TTLL13: variants seen among roughly 807,000 people sequenced by gnomAD.
The protein encoded by TTLL13 is tubulin polyglutamylase TTLL13.
the TTLL13 span, chr15:90,255,759 T>C: frequency 1.4e-4 from 232 of 1,614,058 alleles, 2 homozygotes; most frequent in East Asian, 2.5e-3. Flanking sequence ...TTTCAGAAAA[T>C]CAACCACTTC....
At chr15:90,253,267 T>C in the TTLL13 span, 3 of 1,613,886 alleles carry the variant, frequency 1.9e-6, no homozygotes, top group South Asian at 3.3e-5. Context: ...GCAGCCCAAA[T>C]GTGTGGCCTG....
the TTLL13 span, chr15:90,257,977 T>G: frequency 5.3e-6 from 8 of 1,516,814 alleles, no homozygotes; most frequent in East Asian, 1.8e-4. Context: ...GGGAGCCTCC[T>G]GCCTACAGCC....
chr15:90,255,199 A>C, the TTLL13 span, among the ~76,000 whole-genome samples: 1 of 152,132 alleles, frequency 6.6e-6, no homozygotes, highest in East Asian at 1.9e-4. Context: ...TGGTGGGTAC[A>C]TCCTATCTCA....
At chr15:90,261,647 G>A in the TTLL13 span, among the ~76,000 whole-genome samples, 1 of 152,074 alleles carries the variant, frequency 6.6e-6, no homozygotes, top group South Asian at 2.1e-4. Flanking sequence ...AGGCATGGTG[G>A]TGCATGCCTG....
the TTLL13 span, chr15:90,255,714 C>T: frequency 6.2e-7 from 1 of 1,613,694 alleles, no homozygotes; most frequent in South Asian, 1.1e-5. Context: ...CTAGGAAATG[C>T]CACTTACTCT....
At chr15:90,250,696 G>A in the TTLL13 span, 1 of 1,614,148 alleles carries the variant, frequency 6.2e-7, no homozygotes, top group Non-Finnish European at 8.5e-7. Flanking sequence ...AGGAATCTGA[G>A]AAGTGTGTTA....
chr15:90,258,526 ACTAT>A, the TTLL13 span: 18 of 614,414 alleles, frequency 2.9e-5, no homozygotes, highest in African/African-American at 2.2e-4. Context: ...TTAGGGACAC[ACTAT>A]CTAGAGAGGC....
At chr15:90,252,731 G>A in the TTLL13 span, among the ~76,000 whole-genome samples, 12 of 152,228 alleles carry the variant, frequency 7.9e-5, no homozygotes, top group African/African-American at 2.6e-4. Flanking sequence ...AGCTGGGCAC[G>A]GTGGCTCATG....
the TTLL13 span, chr15:90,253,130 C>T: frequency 1.6e-6 from 1 of 641,076 alleles, no homozygotes. Flanking sequence ...GAGGCAAGAA[C>T]TACCTCCCTC....
At chr15:90,262,222 C>A in the TTLL13 span, 1 of 1,494,330 alleles carries the variant, frequency 6.7e-7, no homozygotes, top group Non-Finnish European at 8.9e-7. Flanking sequence ...CTCTGCACAC[C>A]TAGGTGGGGA....
the TTLL13 span, chr15:90,262,457 T>C: frequency 1.4e-6 from 2 of 1,446,874 alleles, no homozygotes; most frequent in Admixed American, 5.6e-5. Flanking sequence ...CCCAACACCA[T>C]TTCTCTACTG....
chr15:90,254,647 G>A, the TTLL13 span, among the ~76,000 whole-genome samples: 5 of 151,818 alleles, frequency 3.3e-5, no homozygotes, highest in African/African-American at 9.7e-5. Flanking sequence ...AGACCAGCCT[G>A]GGCAACAGGC....
the TTLL13 span, chr15:90,262,414 T>C: frequency 7.2e-7 from 1 of 1,385,684 alleles, no homozygotes; most frequent in Non-Finnish European, 9.5e-7. Context: ...TCCTGCTCTT[T>C]CCTCATCCCC....
the TTLL13 span, chr15:90,256,339 G>C: frequency 6.2e-7 from 1 of 1,612,200 alleles, no homozygotes; most frequent in Non-Finnish European, 8.5e-7. Flanking sequence ...CTAGTCCCCA[G>C]CACTGGGCTG....
chr15:90,258,199 C>T, the TTLL13 span: 1 of 1,614,268 alleles, frequency 6.2e-7, no homozygotes, highest in South Asian at 1.1e-5. Context: ...AATGGAGGTA[C>T]ATGTGCCTGT....
chr15:90,261,775 G>A, the TTLL13 span, among the ~76,000 whole-genome samples: 1 of 152,150 alleles, frequency 6.6e-6, no homozygotes, highest in South Asian at 2.1e-4. Flanking sequence ...GCAAGACCCT[G>A]TCTCAAAAAA....
the TTLL13 span, chr15:90,251,708 C>T: frequency 1.7e-6 from 2 of 1,195,338 alleles, no homozygotes; most frequent in Admixed American, 1.7e-5. Context: ...GCCTGGCGGG[C>T]TTGCCTCTAA....
the TTLL13 span, chr15:90,250,644 C>T: frequency 5.7e-5 from 92 of 1,613,664 alleles, no homozygotes; most frequent in Non-Finnish European, 7.8e-5. Flanking sequence ...GAGCCGAGTA[C>T]CTGTAGGACC....
chr15:90,264,276 C>G, the TTLL13 span, among the ~76,000 whole-genome samples: 1 of 152,158 alleles, frequency 6.6e-6, no homozygotes, highest in South Asian at 2.1e-4. Flanking sequence ...ACTGCAAACT[C>G]CACTCACGGG....
Sources: gnomAD v4.1 joint callset for allele counts (sites outside exome capture counted in the v4.1 genomes callset) on GRCh38, gnomAD v4.1.1 for gene constraint, MANE v1.5 for transcripts, NCBI Gene and HGNC (gene_info 2026-07-23, HGNC 2026-07-21) for gene names.